Variants in ESR1 observed in about 807,000 individuals in gnomAD.
ESR1 encodes estrogen receptor.
ESR1 carries 12 observed loss-of-function variants against 52.7 expected under a neutral mutation model. That is an observed-to-expected ratio of 0.23 (90% CI 0.15 to 0.37). The LOEUF (loss-of-function observed/expected upper bound fraction) is 0.37. Ranked by LOEUF, ESR1 falls within the 10% of genes least tolerant of loss-of-function variation. ESR1 has a pLI of 1.00. For synonymous variants in ESR1, 305 were observed against 316.8 expected (o/e 0.96, Z 0.39); for missense variants, 584 against 779.7 (o/e 0.75, Z 2.99).
intron 2 of ESR1, among the ~76,000 whole-genome samples, chr6:151,759,562 C>T (rs941616195): frequency 6.6e-6 from 1 of 152,088 alleles, no homozygotes; most frequent in African/African-American, 2.4e-5. Flanking sequence ...ATTAGAGGCT[C>T]TTTACTGTAT....
intron 3 of ESR1, among the ~76,000 whole-genome samples, chr6:151,919,761 G>A (rs1395413469): frequency 6.6e-6 from 1 of 152,140 alleles, no homozygotes; most frequent in Non-Finnish European, 1.5e-5. Context: ...TATTATAGAG[G>A]ATCTGAGAAA....
At chr6:151,957,247 T>A (rs2037107882) in intron 4 of ESR1, among the ~76,000 whole-genome samples, 2 of 152,126 alleles carry the variant, frequency 1.3e-5, no homozygotes. Flanking sequence ...CCCTAGTAAG[T>A]GTTCAAAAAT....
intron 3 of ESR1, among the ~76,000 whole-genome samples, chr6:151,939,622 G>A (rs2034806723): frequency 1.3e-5 from 2 of 151,636 alleles, no homozygotes; most frequent in East Asian, 1.9e-4. Flanking sequence ...CTCAATTCTA[G>A]TTAGATATTT....
chr6:151,931,040 A>G (rs2033522743), intron 3 of ESR1, among the ~76,000 whole-genome samples: 1 of 151,708 alleles, frequency 6.6e-6, no homozygotes, highest in Non-Finnish European at 1.5e-5. Context: ...AGTGGCATGT[A>G]TTTATCTTCT....
At chr6:151,942,725 A>T (rs9340898) in intron 3 of ESR1, among the ~76,000 whole-genome samples, 2,332 of 152,034 alleles carry the variant, frequency 0.015, 24 homozygotes, top group Non-Finnish European at 0.027. Context: ...TTCTCACGCT[A>T]GTTATTTGTT....
chr6:151,762,175 T>A (rs1784707768), intron 2 of ESR1, among the ~76,000 whole-genome samples: 1 of 152,198 alleles, frequency 6.6e-6, no homozygotes, highest in Non-Finnish European at 1.5e-5. Flanking sequence ...AGAACTATCA[T>A]TCTAACTTAA....
At chr6:152,020,454 G>T (rs547070827) in intron 5 of ESR1, among the ~76,000 whole-genome samples, 8 of 151,794 alleles carry the variant, frequency 5.3e-5, no homozygotes, top group South Asian at 2.1e-4. Context: ...CCTTTTTTTT[G>T]TTTGTTTGTT....
At position 151,698,075 on chromosome 6, in the gene ESR1, C is replaced by T. The variant is rs147945416; in HGVS notation, c.-201-3800C>T. Among the ~76,000 whole-genome samples, 442 of 151,260 alleles carry T rather than the reference C, an allele frequency of 2.9e-3. 5 individuals carry two copies. Among genetic ancestry groups the T allele is most frequent in the East Asian group, 0.019 (97 of 5,122 alleles). On this transcript the variant is annotated intron_variant, in intron 1 of 2. Coordinates refer to the ESR1 transcript ENST00000404742. The stretch of plus-strand genomic sequence containing the variant: ...TTGTACCACTGCACTCCAGCCTGGG[C>T]GACAGAACATTTAATGCTGGTGGCT...
At chr6:151,879,291 A>G (rs1232777809) in intron 2 of ESR1, among the ~76,000 whole-genome samples, 2 of 152,202 alleles carry the variant, frequency 1.3e-5, no homozygotes, top group Non-Finnish European at 2.9e-5. Context: ...TGGACTGAAA[A>G]ATACCTGTAA....
At chr6:152,109,634 C>T (rs1402416500) in intron 6 of ESR1, among the ~76,000 whole-genome samples, 1 of 152,070 alleles carries the variant, frequency 6.6e-6, no homozygotes, top group East Asian at 1.9e-4. Flanking sequence ...TGTGGTGAGC[C>T]GAGATTGTGC....
intron 6 of ESR1, among the ~76,000 whole-genome samples, chr6:152,109,512 A>C (rs574152385): frequency 6.6e-6 from 1 of 152,066 alleles, no homozygotes; most frequent in African/African-American, 2.4e-5. Context: ...CCAAAAAAAA[A>C]AAAAGAAAGA....
intron 4 of ESR1, among the ~76,000 whole-genome samples, chr6:151,995,901 C>T (rs763638731): frequency 5.3e-5 from 8 of 152,156 alleles, no homozygotes; most frequent in African/African-American, 9.7e-5. Context: ...TTTTGTTAAG[C>T]TCCATTTTCA....
intron 3 of ESR1, among the ~76,000 whole-genome samples, chr6:151,928,735 T>G (rs1428033128): frequency 1.3e-5 from 2 of 152,078 alleles, no homozygotes; most frequent in African/African-American, 4.8e-5. Flanking sequence ...TTTTCCTGCA[T>G]CCCACAAATT....
chr6:151,852,902 C>T (rs1486955079), intron 2 of ESR1, among the ~76,000 whole-genome samples: 2 of 151,622 alleles, frequency 1.3e-5, no homozygotes, highest in Admixed American at 6.6e-5. Context: ...TGGCCGGGTG[C>T]GGTGGCTCAT....
At chr6:151,822,741 T>C (rs1283991533) in intron 1 of ESR1, among the ~76,000 whole-genome samples, 1 of 152,240 alleles carries the variant, frequency 6.6e-6, no homozygotes, top group East Asian at 1.9e-4. Context: ...ACCTAAGCTA[T>C]GTGAATCAGA....
intron 2 of ESR1, among the ~76,000 whole-genome samples, chr6:151,844,961 A>G (rs1784879763): frequency 6.6e-6 from 1 of 152,208 alleles, no homozygotes; most frequent in Non-Finnish European, 1.5e-5. Flanking sequence ...GATAAGGAAA[A>G]CAATAGAGAG....
intron 2 of ESR1, among the ~76,000 whole-genome samples, chr6:151,866,300 G>A (rs1206054848): frequency 2.6e-5 from 4 of 151,970 alleles, no homozygotes; most frequent in Non-Finnish European, 5.9e-5. Flanking sequence ...AGGAGAAATT[G>A]TTATTTAAGC....
At chr6:152,004,081 A>G in intron 4 of ESR1, among the ~76,000 whole-genome samples, 1 of 152,156 alleles carries the variant, frequency 6.6e-6, no homozygotes, top group Middle Eastern at 3.4e-3. Context: ...CTTTCTAAAT[A>G]GAGAAGTTCA....
chr6:151,770,147 C>G (rs935393128), intron 2 of ESR1, among the ~76,000 whole-genome samples: 1 of 152,098 alleles, frequency 6.6e-6, no homozygotes, highest in Non-Finnish European at 1.5e-5. Context: ...TTCTTTGCCT[C>G]AGCAACCAAC....
Sources: allele counts gnomAD v4.1 joint callset (sites outside exome capture counted in the v4.1 genomes callset), GRCh38; gene constraint gnomAD v4.1.1; transcripts MANE v1.5; gene names NCBI Gene and HGNC (gene_info 2026-07-23, HGNC 2026-07-21).